Variants in PHIP observed in about 807,000 individuals in gnomAD.
PHIP encodes the protein PHIP subunit of CUL4-Ring ligase complex.
A neutral mutation model predicts 236.8 loss-of-function variants in PHIP; 54 were observed. That is an observed-to-expected ratio of 0.23 (90% CI 0.18 to 0.29). PHIP has a LOEUF of 0.29. PHIP is among the 10% of genes least tolerant of loss of function. PHIP has a pLI of 1.00. For missense variants in PHIP, 1,370 were observed against 2,190.8 expected, an observed-to-expected ratio of 0.63 and a Z score of 7.48; for synonymous variants, 756 against 718.9, an observed-to-expected ratio of 1.05 and a Z score of -0.83.
chr6:78,969,693 A>T (rs895856862), intron 27 of PHIP, 142 bp downstream of exon 27: 30 of 480,912 alleles, frequency 6.2e-5, no homozygotes, highest in Non-Finnish European at 1.0e-4. Context: ...CTGACATAGT[A>T]TCTTACTTTG....
At chr6:79,044,021 G>A (rs1772352999) in intron 6 of PHIP, among the ~76,000 whole-genome samples, 4 of 151,938 alleles carry the variant, frequency 2.6e-5, no homozygotes, top group Admixed American at 2.6e-4. Context: ...AAGAATCTCA[G>A]TATTGCTTAT....
chr6:78,935,517 T>C lies in PHIP; in HGVS notation c.*5176A>G. ...AAAGTGTTCCACTGAAATGTATCTC[T>C]TACGAAAGTATCTGAATAGTGAAGT... On this transcript the variant is annotated 3_prime_UTR_variant, in exon 40 of 40. Coordinates refer to ENST00000275034, the MANE Select transcript of PHIP (RefSeq NM_017934.7). The C allele has an allele frequency of 1.0e-6, 1 of 977,952 alleles. No homozygotes were observed. The highest frequency in any genetic ancestry group is 1.2e-6 in the Non-Finnish European group (1 of 823,184). The allele number at this position is 977,952 out of a possible 1,614,324, so 60.6% of individuals were successfully genotyped here. A position where few individuals can be genotyped will look rare whatever the true frequency, so the allele number is the denominator to read the frequency against.
At chr6:79,024,361 C>A (rs1350977922) in intron 9 of PHIP, among the ~76,000 whole-genome samples, 2 of 152,152 alleles carry the variant, frequency 1.3e-5, no homozygotes, top group Admixed American at 1.3e-4. Flanking sequence ...ACCTTCTAAT[C>A]TGAATGACTT....
In PHIP at chr6:79,077,711, C is replaced by T; in HGVS notation, c.118G>A (p.Ala40Thr). The T allele has an allele frequency of 9.9e-7, 1 of 1,014,304 alleles. No homozygotes were observed. 62.8% of individuals were successfully genotyped at this position (1,014,304 alleles called of 1,614,324 possible). A position where few individuals can be genotyped will look rare whatever the true frequency, so the allele number is the denominator to read the frequency against. Residue 40 changes from alanine to threonine, a missense_variant, in exon 3 of 40, where the codon GCC (alanine) becomes ACC (threonine). Ala to Thr is a moderately conservative substitution (Grantham distance 58). Coordinates refer to ENST00000275034, the MANE Select transcript of PHIP (RefSeq NM_017934.7). ...QAAQVLIREV[A>T]EKELLPRRTD... ...GCCGCCGCCCTTACCTCCTTCTCGG[C>T]CACCTCGCGGATCAGCACCTGCAAC...
In PHIP at chr6:78,934,800, C is replaced by T. The variant is rs1454334592; in HGVS notation, c.*5893G>A. 6.6e-6 allele frequency among the ~76,000 whole-genome samples: 1 copy of T among 152,200 alleles called. No individual in the cohort carries two copies. Among genetic ancestry groups the T allele is most frequent in the Non-Finnish European group, 1.5e-5 (1 of 68,036 alleles). ...ATACGACTTTGCTGGGGTTCCTCTACTTCCTGTCAGGAATGAAGGTCAAAT... is the reference window on the plus strand; with the variant it reads ...ATACGACTTTGCTGGGGTTCCTCTATTTCCTGTCAGGAATGAAGGTCAAAT... On this transcript the variant is annotated 3_prime_UTR_variant, in exon 40 of 40. Transcript: ENST00000275034.
intron 7 of PHIP, among the ~76,000 whole-genome samples, chr6:79,032,417 C>T (rs184149800): frequency 1.3e-5 from 2 of 152,334 alleles, no homozygotes; most frequent in East Asian, 3.9e-4. Flanking sequence ...CCTCTCAAAT[C>T]AAGCCACTGC....
chr6:79,019,524 T>C (rs1379780197), intron 9 of PHIP, among the ~76,000 whole-genome samples: 2 of 152,110 alleles, frequency 1.3e-5, no homozygotes, highest in Non-Finnish European at 2.9e-5. Context: ...TTCGCAAACA[T>C]GAATACATTA....
At chr6:79,028,223 TAAGAA>T (rs1771500595) in intron 7 of PHIP, among the ~76,000 whole-genome samples, 1 of 152,102 alleles carries the variant, frequency 6.6e-6, no homozygotes, top group South Asian at 2.1e-4. Flanking sequence ...TACGGTTTAC[TAAGAA>T]AAGTGGTGTG....
intron 24 of PHIP, among the ~76,000 whole-genome samples, chr6:78,976,822 T>A (rs1470547286): frequency 1.2e-4 from 16 of 136,152 alleles, no homozygotes; most frequent in African/African-American, 4.4e-4. Context: ...AAAACCACAA[T>A]GAGATACCAT....
chr6:78,961,587 C>A, intron 31 of PHIP, 103 bp downstream of exon 31: 1 of 1,067,068 alleles, frequency 9.4e-7, no homozygotes, highest in South Asian at 1.4e-5. Context: ...ATCTTATGTG[C>A]ATTCCTATAT....
At chr6:79,017,148 C>G (rs1283070523) in intron 12 of PHIP, among the ~76,000 whole-genome samples, 198 bp downstream of exon 12, 1 of 151,802 alleles carries the variant, frequency 6.6e-6, no homozygotes, top group Non-Finnish European at 1.5e-5. Context: ...CTAAAAGTGT[C>G]CAAGTATACT....
chr6:79,016,466 G>T, intron 13 of PHIP, 78 bp downstream of exon 13: 1 of 734,888 alleles, frequency 1.4e-6, no homozygotes, highest in Non-Finnish European at 2.2e-6. Flanking sequence ...AATTTTATAG[G>T]CTGAGAGTCA....
chr6:79,062,624 G>A (rs1443762357), intron 4 of PHIP, among the ~76,000 whole-genome samples: 2 of 152,140 alleles, frequency 1.3e-5, no homozygotes, highest in African/African-American at 4.8e-5. Context: ...TAGTGAAACT[G>A]AAAATCCTTA....
At chr6:78,986,802 G>GA (rs1404308339) in intron 21 of PHIP, among the ~76,000 whole-genome samples, 1 of 151,968 alleles carries the variant, frequency 6.6e-6, no homozygotes, top group Non-Finnish European at 1.5e-5. Flanking sequence ...AAGCAAAAAT[G>GA]AAAAAATCAC....
chr6:79,017,938 G>A (rs919690847), intron 10 of PHIP, among the ~76,000 whole-genome samples: 5 of 151,780 alleles, frequency 3.3e-5, no homozygotes, highest in African/African-American at 1.2e-4. Context: ...TTTCCCATGT[G>A]TCAAAATCTT....
intron 10 of PHIP, 63 bp downstream of exon 10, chr6:79,019,026 A>T (rs1770979271): frequency 1.1e-5 from 12 of 1,072,458 alleles, no homozygotes; most frequent in Non-Finnish European, 1.7e-5. Flanking sequence ...AATATTACAC[A>T]CTCCACTATA....
chr6:79,018,867 T>G (rs539837452), intron 10 of PHIP, among the ~76,000 whole-genome samples: 33 of 152,120 alleles, frequency 2.2e-4, no homozygotes, highest in African/African-American at 7.9e-4. Context: ...TATAGTCTTC[T>G]TAAAGAAAAA....
chr6:78,936,500 T>G lies in PHIP; in HGVS notation c.*4193A>C, dbSNP rs1462366874. On this transcript the variant is annotated 3_prime_UTR_variant, in exon 40 of 40. Coordinates refer to ENST00000275034, the MANE Select transcript of PHIP (RefSeq NM_017934.7). ...CATGTGTGCATCTGCCTTATATGCA[T>G]GTACTATATTCCATCTTGAACCTAT... is the stretch of plus-strand genomic sequence containing the variant. 1 of 151,892 alleles carries G rather than the reference T, an allele frequency of 6.6e-6. No individual in the cohort carries two copies. Among genetic ancestry groups the G allele is most frequent in the Non-Finnish European group, 1.5e-5 (1 of 67,790 alleles). The allele number at this position is 151,892 out of a possible 1,614,324, so 9.4% of individuals were successfully genotyped here. A position where few individuals can be genotyped will look rare whatever the true frequency, so the allele number is the denominator to read the frequency against.
intron 9 of PHIP, among the ~76,000 whole-genome samples, 177 bp from the exon 10 acceptor site, chr6:79,019,336 C>A (rs968960250): frequency 6.6e-6 from 1 of 151,982 alleles, no homozygotes; most frequent in Non-Finnish European, 1.5e-5. Context: ...TGTAGAAATT[C>A]TAGATATAGA....
Sources: gnomAD v4.1 joint callset for allele counts (sites outside exome capture counted in the v4.1 genomes callset) on GRCh38, gnomAD v4.1.1 for gene constraint, MANE v1.5 for transcripts, NCBI Gene and HGNC (gene_info 2026-07-23, HGNC 2026-07-21) for gene names.